The following MFHAS1 variants were observed in gnomAD, a reference collection of about 807,000 sequenced individuals.
MFHAS1 encodes the protein multifunctional ROCO family signaling regulator 1, also known as malignant fibrous histiocytoma-amplified sequence 1.
MFHAS1 carries 50 observed loss-of-function variants against 70.4 expected under a neutral mutation model. The observed-to-expected ratio is 0.71, with a 90% CI of 0.57 to 0.90. The LOEUF (loss-of-function observed/expected upper bound fraction) is 0.90. Among genes scored for constraint, MFHAS1 ranks in the 40% least tolerant of loss-of-function variants. The pLI, the probability that MFHAS1 is intolerant of heterozygous loss-of-function variation, is 0.00. For missense variants in MFHAS1, 1,795 were observed against 1,347.6 expected (o/e 1.33, Z -5.20); for synonymous variants, 952 against 620.0 (o/e 1.54, Z -7.96).
chr8:8,892,337 G>T lies in MFHAS1; in HGVS notation c.722C>A (p.Thr241Lys), dbSNP rs150557278. ...CAGCTCGCAGAAGCCGGCGGGCAGC[G>T]TGCCAAGCTCGGCCCCACTCAGCCA... ...ILWLSGAELG[T>K]LPAGFCELAS... The change falls in exon 1 of 3, where the codon ACG becomes AAG. Residue 241 changes from threonine (T) to lysine (K), a missense_variant. Transcript: ENST00000276282. This position sits in a 1 kb window ranked among gnomAD's most constrained non-coding sequence, Gnocchi z 4.7. The T allele has an allele frequency of 1.2e-6, 2 of 1,611,724 alleles. No individual in the cohort carries two copies. Among genetic ancestry groups the T allele is most frequent in the Non-Finnish European group, 8.5e-7 (1 of 1,179,916 alleles).
chr8:8,791,294 T>A (rs1484302840), intron 2 of MFHAS1, among the ~76,000 whole-genome samples: 1 of 152,166 alleles, frequency 6.6e-6, no homozygotes, highest in Non-Finnish European at 1.5e-5. Context: ...GAGTGACACA[T>A]GCCCATTTCC....
intron 1 of MFHAS1, among the ~76,000 whole-genome samples, chr8:8,799,109 C>G (rs1425776540): frequency 3.9e-5 from 6 of 151,948 alleles, no homozygotes; most frequent in African/African-American, 1.4e-4. Context: ...AGCAGTCCCC[C>G]CTTATCCCTC....
At position 8,890,887 on chromosome 8, in the gene MFHAS1, C is replaced by G; in HGVS notation, c.2172G>C (p.Glu724Asp). 6.2e-7 allele frequency: 1 copy of G among 1,614,128 alleles called. No homozygotes were observed. Among genetic ancestry groups the G allele is most frequent in the South Asian group, 1.1e-5 (1 of 91,090 alleles). Residue 724 changes from glutamate to aspartate, a missense_variant, in exon 1 of 3, where the codon GAG (glutamate) becomes GAC (aspartate). Glu to Asp is a conservative substitution (Grantham distance 45). Coordinates refer to ENST00000276282, the MANE Select transcript of MFHAS1 (RefSeq NM_004225.3). ...LYFEDSPALK[E>D]HVFHNLTRLI... ...GGCGGGTGAGGTTGTGGAAGACGTG[C>G]TCCTTGAGAGCCGGACTGTCCTCAA...
In MFHAS1 at chr8:8,892,330, G is replaced by A; in HGVS notation, c.729C>T (p.Pro243=). 3 of 1,612,122 alleles carry A rather than the reference G, an allele frequency of 1.9e-6. No homozygotes were observed. The highest frequency in any genetic ancestry group is 1.1e-5 in the South Asian group (1 of 91,064). ...AACTGGCCAGCTCGCAGAAGCCGGC[G>A]GGCAGCGTGCCAAGCTCGGCCCCAC... ...WLSGAELGTL[P]AGFCELASLE... Residue 243 remains proline (P), a synonymous_variant, in exon 1 of 3, where the codon CCC becomes CCT. Coordinates refer to ENST00000276282, the MANE Select transcript of MFHAS1 (RefSeq NM_004225.3). This position sits in a 1 kb window ranked among gnomAD's most constrained non-coding sequence, Gnocchi z 4.7.
intron 1 of MFHAS1, among the ~76,000 whole-genome samples, chr8:8,870,962 C>T (rs1376436218): frequency 6.6e-6 from 1 of 152,154 alleles, no homozygotes; most frequent in East Asian, 1.9e-4. Flanking sequence ...ACTCTGTTGC[C>T]CAGGCTGGAG....
At chr8:8,808,348 G>T (rs1477842013) in intron 1 of MFHAS1, among the ~76,000 whole-genome samples, 1 of 152,124 alleles carries the variant, frequency 6.6e-6, no homozygotes, top group Non-Finnish European at 1.5e-5. Context: ...TCCCCACGCT[G>T]TAAACGCTCC....
At chr8:8,845,648 C>G (rs1808006058) in intron 1 of MFHAS1, among the ~76,000 whole-genome samples, 1 of 152,126 alleles carries the variant, frequency 6.6e-6, no homozygotes, top group African/African-American at 2.4e-5. Context: ...CTTAATATTT[C>G]CCTATCTTAA....
chr8:8,850,353 T>C (rs952519401), intron 1 of MFHAS1, among the ~76,000 whole-genome samples: 2 of 152,058 alleles, frequency 1.3e-5, no homozygotes. Flanking sequence ...ATAGCACTGA[T>C]ACCCAATCTG....
chr8:8,813,342 C>T (rs1367915198), intron 1 of MFHAS1, among the ~76,000 whole-genome samples: 1 of 152,176 alleles, frequency 6.6e-6, no homozygotes, highest in Non-Finnish European at 1.5e-5. Context: ...TTAGGGTGTA[C>T]TCCTACTTAT....
chr8:8,829,432 G>A (rs977943250), intron 1 of MFHAS1, among the ~76,000 whole-genome samples: 31 of 152,230 alleles, frequency 2.0e-4, no homozygotes, highest in African/African-American at 6.3e-4. Context: ...TGTAATCAGA[G>A]CACGTTGGGA....
At position 8,801,085 on chromosome 8, in the gene MFHAS1, C is replaced by T. The variant is rs188318415; in HGVS notation, c.2999-3594G>A. Among the ~76,000 whole-genome samples the T allele has an allele frequency of 4.7e-3, 714 of 152,084 alleles. 7 individuals carry two copies. The highest frequency in any genetic ancestry group is 0.017 in the African/African-American group (688 of 41,490). ...AAAAAATTAGTGGGGCGTGGTGGCA[C>T]GCGCCTGTAGTCCCAGCTATTCAGG... On this transcript the variant is annotated intron_variant, in intron 1 of 2. Transcript: ENST00000276282.
chr8:8,854,781 G>A lies in MFHAS1; in HGVS notation c.2998+35280C>T, dbSNP rs150695171. 1.4e-4 allele frequency among the ~76,000 whole-genome samples: 22 copies of A among 152,238 alleles called. No homozygotes were observed. The East Asian group carries it at 4.1e-3, about 28-fold the overall frequency. ...ACACTAAAAATTATTCGTTGCTTAC[G>A]TGAAATTCAGATGTAAGAATAGATG... On this transcript the variant is annotated intron_variant, in intron 1 of 2. Coordinates refer to ENST00000276282, the MANE Select transcript of MFHAS1 (RefSeq NM_004225.3).
chr8:8,841,467 CAA>C (rs11435426), intron 1 of MFHAS1, among the ~76,000 whole-genome samples: 13 of 143,824 alleles, frequency 9.0e-5, no homozygotes, highest in Admixed American at 6.1e-4. Context: ...GACTTCGTCT[CAA>C]AAAAAAAAAA....
At chr8:8,797,865 G>C (rs1348726593) in intron 1 of MFHAS1, among the ~76,000 whole-genome samples, 1 of 152,170 alleles carries the variant, frequency 6.6e-6, no homozygotes, top group Non-Finnish European at 1.5e-5. Context: ...CTGCCAAGGA[G>C]GTGTTCATAA....
intron 1 of MFHAS1, among the ~76,000 whole-genome samples, chr8:8,830,845 C>T (rs2117322858): frequency 6.6e-6 from 1 of 152,342 alleles, no homozygotes; most frequent in African/African-American, 2.4e-5. Flanking sequence ...GATCCGCCCA[C>T]CTCGGCCTCC....
chr8:8,791,552 T>C (rs1274376020), intron 2 of MFHAS1, among the ~76,000 whole-genome samples: 2 of 152,124 alleles, frequency 1.3e-5, no homozygotes, highest in Non-Finnish European at 2.9e-5. Context: ...ACCCTAGAAA[T>C]GAAACGCAAC....
chr8:8,843,326 G>T (rs937831358), intron 1 of MFHAS1, among the ~76,000 whole-genome samples: 4 of 151,834 alleles, frequency 2.6e-5, no homozygotes, highest in East Asian at 3.9e-4. Flanking sequence ...ACTCACACCT[G>T]TAATCCCAAC....
intron 1 of MFHAS1, among the ~76,000 whole-genome samples, chr8:8,872,324 C>T (rs957076828): frequency 6.6e-6 from 1 of 152,132 alleles, no homozygotes; most frequent in African/African-American, 2.4e-5. Context: ...GAAATCCCCC[C>T]ATGAATAAAT....
chr8:8,884,295 A>C (rs372672622), intron 1 of MFHAS1, among the ~76,000 whole-genome samples: 2 of 152,184 alleles, frequency 1.3e-5, no homozygotes, highest in Non-Finnish European at 2.9e-5. Flanking sequence ...ATTTTTACAT[A>C]AAACAAAGTC....
Sources: allele counts gnomAD v4.1 joint callset (sites outside exome capture counted in the v4.1 genomes callset), GRCh38; gene constraint gnomAD v4.1.1; non-coding constraint Gnocchi (gnomAD v3.1); transcripts MANE v1.5; gene names NCBI Gene and HGNC (gene_info 2026-07-23, HGNC 2026-07-21).